AAMDC: variants seen among roughly 807,000 people sequenced by gnomAD.
AAMDC encodes mth938 domain-containing protein.
A neutral mutation model predicts 15.5 loss-of-function variants in AAMDC; 16 were observed. That is an observed-to-expected ratio of 1.03 (90% CI 0.70 to 1.57). The LOEUF (loss-of-function observed/expected upper bound fraction) is 1.57, where lower values mean the gene tolerates loss of function less well. Among genes scored for constraint, AAMDC ranks in the 40% most tolerant of loss-of-function variants. The pLI is 0.00. For missense variants in AAMDC, 141 were observed against 144.9 expected, an observed-to-expected ratio of 0.97 and a Z score of 0.14; for synonymous variants, 51 against 51.6, an observed-to-expected ratio of 0.99 and a Z score of 0.05.
chr11:77,878,681 G>A, intron 5 of AAMDC: 1 of 675,920 alleles, frequency 1.5e-6, no homozygotes. Context: ...TGAAGCTATA[G>A]CCACACGCAT....
At chr11:77,839,991 A>C (rs955013716) in intron 1 of AAMDC, among the ~76,000 whole-genome samples, 1 of 152,174 alleles carries the variant, frequency 6.6e-6, no homozygotes, top group Non-Finnish European at 1.5e-5. Context: ...TGTTACATGC[A>C]TATAACAATT....
chr11:77,824,708 C>T (rs1462747851), intron 1 of AAMDC, among the ~76,000 whole-genome samples: 1 of 152,086 alleles, frequency 6.6e-6, no homozygotes, highest in Non-Finnish European at 1.5e-5. Context: ...TTCCTTTGAG[C>T]TTGGAAGGGT....
At chr11:77,832,418 C>T (rs1358670965) in intron 1 of AAMDC, among the ~76,000 whole-genome samples, 3 of 150,446 alleles carry the variant, frequency 2.0e-5, no homozygotes, top group Non-Finnish European at 3.0e-5. Flanking sequence ...CCTCCGCCTC[C>T]CGGGTTCAAG....
intron 1 of AAMDC, among the ~76,000 whole-genome samples, chr11:77,831,611 T>C (rs1398116939): frequency 1.3e-5 from 2 of 151,860 alleles, no homozygotes; most frequent in Non-Finnish European, 2.9e-5. Flanking sequence ...TTGATTTTAC[T>C]CTCCCAAGCC....
At chr11:77,871,311 A>C (rs1289867012) in intron 3 of AAMDC, among the ~76,000 whole-genome samples, 1 of 152,226 alleles carries the variant, frequency 6.6e-6, no homozygotes, top group Non-Finnish European at 1.5e-5. Flanking sequence ...AATATCTAAT[A>C]ATAGCTGTCA....
At chr11:77,850,845 TCA>T (rs1275895869) in intron 2 of AAMDC, 1 of 151,568 alleles carries the variant, frequency 6.6e-6, no homozygotes, top group Admixed American at 6.6e-5. Flanking sequence ...TGACAATAAA[TCA>T]CAGATACGAC....
intron 5 of AAMDC, chr11:77,879,249 T>G: frequency 4.1e-6 from 4 of 979,814 alleles, no homozygotes; most frequent in Non-Finnish European, 6.0e-6. Flanking sequence ...TCCGTCTACA[T>G]TCCCTCCCCT....
chr11:77,899,175 G>T (rs1443468904), intron 5 of AAMDC, among the ~76,000 whole-genome samples: 2 of 152,110 alleles, frequency 1.3e-5, no homozygotes, highest in Non-Finnish European at 2.9e-5. Context: ...TTGTCCAAGG[G>T]TTACTCAGTT....
rs191113034 is a variant in AAMDC at position 77,828,088 on chromosome 11, C to G, written c.-19+6847C>G. Among the ~76,000 whole-genome samples, 198 of 152,110 alleles carry G rather than the reference C, an allele frequency of 1.3e-3. 1 individual carries two copies. The highest frequency in any genetic ancestry group is 4.6e-3 in the African/African-American group (190 of 41,486). On this transcript the variant is annotated intron_variant, in intron 1 of 3. Coordinates refer to ENST00000393427, the MANE Select transcript of AAMDC (RefSeq NM_024684.4). ...AGGAGTTCAATACCAGCCTGGCCAA[C>G]ATGGTGAAACTCCATCTCTACTAAA...
intron 3 of AAMDC, chr11:77,870,160 CT>C (rs1288188799): frequency 6.6e-6 from 1 of 151,986 alleles, no homozygotes; most frequent in African/African-American, 2.4e-5. Flanking sequence ...TAGTTTTCCC[CT>C]CTTCAGAAAA....
intron 2 of AAMDC, chr11:77,869,098 C>T: frequency 3.6e-6 from 1 of 280,558 alleles, no homozygotes. Flanking sequence ...CTCATAGATT[C>T]ACATGTACCA....
chr11:77,822,919 T>G (rs1174442813), intron 1 of AAMDC, among the ~76,000 whole-genome samples: 1 of 152,118 alleles, frequency 6.6e-6, no homozygotes, highest in African/African-American at 2.4e-5. Context: ...AAAAAGCTTT[T>G]AAGAAATTAA....
In AAMDC at chr11:77,821,181, G is replaced by C; in HGVS notation, c.-79G>C. 3 of 359,518 alleles carry C rather than the reference G, an allele frequency of 8.3e-6. No individual in the cohort carries two copies. Among genetic ancestry groups the C allele is most frequent in the Non-Finnish European group, 1.0e-5 (2 of 199,588 alleles). The allele number at this position is 359,518 out of a possible 1,614,324, so 22.3% of individuals were successfully genotyped here. A position where few individuals can be genotyped will look rare whatever the true frequency, so the allele number is the denominator to read the frequency against. ...CAGATCCCGAAGCAGCGCTGGGAGC[G>C]TAAGTGCGGGCAGAGCACTGCGCCG... On this transcript the variant is annotated 5_prime_UTR_variant, in exon 1 of 4. Coordinates refer to ENST00000393427, the MANE Select transcript of AAMDC (RefSeq NM_024684.4).
chr11:77,904,916 T>G (rs1303669476), downstream of AAMDC, among the ~76,000 whole-genome samples: 1 of 152,160 alleles, frequency 6.6e-6, no homozygotes, highest in Non-Finnish European at 1.5e-5. Flanking sequence ...CTTAAGGAGA[T>G]GCGTATGAGT....
intron 5 of AAMDC, among the ~76,000 whole-genome samples, chr11:77,890,235 T>G (rs2136388416): frequency 6.6e-6 from 1 of 152,352 alleles, no homozygotes; most frequent in East Asian, 1.9e-4. Flanking sequence ...CTCATAATTT[T>G]TAATAATTCC....
intron 2 of AAMDC, among the ~76,000 whole-genome samples, chr11:77,856,122 A>G (rs891400717): frequency 6.6e-6 from 1 of 152,122 alleles, no homozygotes; most frequent in Non-Finnish European, 1.5e-5. Flanking sequence ...TGTCTCAAAA[A>G]AAAGAAGAAA....
intron 5 of AAMDC, among the ~76,000 whole-genome samples, chr11:77,898,129 T>C (rs1475897486): frequency 2.6e-5 from 4 of 152,176 alleles, no homozygotes; most frequent in Non-Finnish European, 1.5e-5. Context: ...ATTGTTATTA[T>C]TATTTTTTGC....
chr11:77,848,847 G>A (rs1950253724), intron 2 of AAMDC, among the ~76,000 whole-genome samples: 1 of 152,164 alleles, frequency 6.6e-6, no homozygotes, highest in African/African-American at 2.4e-5. Context: ...GTGCAGGGTT[G>A]TAATCATAGC....
intron 3 of AAMDC, chr11:77,870,074 T>C (rs528099084): frequency 2.0e-4 from 47 of 232,792 alleles, no homozygotes; most frequent in African/African-American, 1.0e-3. Flanking sequence ...TTTGGTCCTT[T>C]ATATTTTAAT....
Sources: allele counts gnomAD v4.1 joint callset (sites outside exome capture counted in the v4.1 genomes callset), GRCh38; gene constraint gnomAD v4.1.1; transcripts MANE v1.5; gene names NCBI Gene and HGNC (gene_info 2026-07-23, HGNC 2026-07-21).